The following FARS2 variants were observed in gnomAD, a reference collection of about 807,000 sequenced individuals.
The protein encoded by FARS2 is phenylalanyl-tRNA synthetase 2, mitochondrial.
Under a neutral mutation model 46.4 loss-of-function variants are expected in FARS2, and 40 were observed. That is an observed-to-expected ratio of 0.86 (90% confidence interval 0.67 to 1.12). The LOEUF is 1.12. Ranked by LOEUF, FARS2 falls within the 50% of genes most tolerant of loss-of-function variation. FARS2 has a pLI of 0.00. For missense variants in FARS2, 513 were observed against 567.9 expected (o/e 0.90, Z 0.98); for synonymous variants, 234 against 214.9 (o/e 1.09, Z -0.78).
chr6:5,316,529 G>GA (rs1461621119), intron 1 of FARS2, among the ~76,000 whole-genome samples: 1 of 152,170 alleles, frequency 6.6e-6, no homozygotes, highest in African/African-American at 2.4e-5. Context: ...GAGAAGTGGA[G>GA]AGAGGATACC....
chr6:5,651,928 A>G (rs1777388244), intron 6 of FARS2, among the ~76,000 whole-genome samples: 2 of 152,140 alleles, frequency 1.3e-5, no homozygotes, highest in African/African-American at 2.4e-5. Flanking sequence ...AACAGGAGAA[A>G]CCAAGCTGAT....
rs1449391199 is a variant in FARS2, at chr6:5,368,936, C to T, written c.366C>T (p.Thr122=). 6.2e-7 allele frequency: 1 copy of T among 1,614,196 alleles called. No homozygotes were observed. The highest frequency in any genetic ancestry group is 8.5e-7 in the Non-Finnish European group (1 of 1,180,042). ...VYDNLSPVVT[T]WQNFDSLLIP... ...ACAACCTTTCTCCAGTGGTCACGAC[C>T]TGGCAGAACTTTGACAGCCTGCTCA... Residue 122 remains threonine, a synonymous_variant, in exon 2 of 7, where the codon ACC becomes ACT. Coordinates refer to ENST00000274680, the MANE Select transcript of FARS2 (RefSeq NM_006567.5).
intron 4 of FARS2, among the ~76,000 whole-genome samples, chr6:5,535,593 G>A (rs1241931690): frequency 1.3e-5 from 2 of 152,200 alleles, no homozygotes; most frequent in Admixed American, 6.5e-5. Context: ...CCCGATCTAA[G>A]TGAAATTTAT....
At chr6:5,481,373 T>C (rs1408621561) in intron 4 of FARS2, among the ~76,000 whole-genome samples, 1 of 152,218 alleles carries the variant, frequency 6.6e-6, no homozygotes, top group Non-Finnish European at 1.5e-5. Flanking sequence ...CCCATGGTGT[T>C]GTGAAGGGAG....
chr6:5,300,002 C>G (rs1319108075), intron 1 of FARS2, among the ~76,000 whole-genome samples: 1 of 151,976 alleles, frequency 6.6e-6, no homozygotes, highest in Non-Finnish European at 1.5e-5. Flanking sequence ...TATATGAGAG[C>G]TCTGTCAGTA....
At chr6:5,692,139 G>A (rs1435306786) in intron 6 of FARS2, among the ~76,000 whole-genome samples, 1 of 152,210 alleles carries the variant, frequency 6.6e-6, no homozygotes, top group Non-Finnish European at 1.5e-5. Context: ...TGCTTCCCGG[G>A]TGAGGCGATA....
chr6:5,262,853 G>A (rs1035576870), intron 1 of FARS2, among the ~76,000 whole-genome samples: 9 of 152,316 alleles, frequency 5.9e-5, no homozygotes, highest in South Asian at 2.1e-4. Context: ...AGGTCATTGA[G>A]CAAATCTAGC....
At chr6:5,458,907 A>G (rs560414159) in intron 4 of FARS2, among the ~76,000 whole-genome samples, 1 of 152,346 alleles carries the variant, frequency 6.6e-6, no homozygotes, top group South Asian at 2.1e-4. Context: ...AAATGGTGCC[A>G]TTCTACCCTG....
At position 5,292,438 on chromosome 6, in the gene FARS2, C is replaced by T. The variant is rs79084838; in HGVS notation, c.-22+30778C>T. Among the ~76,000 whole-genome samples the T allele has an allele frequency of 5.3e-4, 80 of 152,162 alleles. 1 individual carries two copies. The South Asian group carries it at 6.0e-3, about 11-fold the overall frequency. Reference sequence around the variant, plus strand: ...GAAGTCTTGAACTGTCAGCAATAGACAAAATGGAGAGATGGACAAATGCCA... The same window carrying T: ...GAAGTCTTGAACTGTCAGCAATAGATAAAATGGAGAGATGGACAAATGCCA... On this transcript the variant is annotated intron_variant, in intron 1 of 6. Coordinates refer to ENST00000274680, the MANE Select transcript of FARS2 (RefSeq NM_006567.5).
At chr6:5,610,732 T>G (rs944408509) in intron 5 of FARS2, among the ~76,000 whole-genome samples, 2 of 152,222 alleles carry the variant, frequency 1.3e-5, no homozygotes, top group African/African-American at 2.4e-5. Context: ...AATAATATTG[T>G]ACGTAATCGA....
chr6:5,661,519 G>A (rs932665700), intron 6 of FARS2, among the ~76,000 whole-genome samples: 4 of 152,190 alleles, frequency 2.6e-5, no homozygotes, highest in Non-Finnish European at 5.9e-5. Flanking sequence ...TGCCTGGAAC[G>A]TGGGGGAGCC....
intron 6 of FARS2, among the ~76,000 whole-genome samples, chr6:5,623,656 G>C (rs1327093366): frequency 6.6e-6 from 1 of 151,622 alleles, no homozygotes; most frequent in Non-Finnish European, 1.5e-5. Flanking sequence ...AGGTCGCAGT[G>C]AGCTTAGATC....
At position 5,318,861 on chromosome 6, in the gene FARS2, C is replaced by T. The variant is rs568673710; in HGVS notation, c.-21-49689C>T. Among the ~76,000 whole-genome samples the T allele has an allele frequency of 7.9e-5, 12 of 152,258 alleles. No individual in the cohort carries two copies. The East Asian group carries it at 2.3e-3, about 29-fold the overall frequency. On this transcript the variant is annotated intron_variant, in intron 1 of 6. Transcript: ENST00000274680. Reference sequence around the variant, plus strand: ...TTCATTTCCAACAGCCAGTCAGCAACTGCCATGCAGAAAAGGGCGTGGTTG... The same window carrying T: ...TTCATTTCCAACAGCCAGTCAGCAATTGCCATGCAGAAAAGGGCGTGGTTG...
intron 1 of FARS2, among the ~76,000 whole-genome samples, chr6:5,288,664 T>C (rs1044142025): frequency 6.6e-6 from 1 of 152,182 alleles, no homozygotes; most frequent in African/African-American, 2.4e-5. Flanking sequence ...TGGCAGTATA[T>C]GGAGGTGCGG....
rs1239052116 is a variant in FARS2 at position 5,580,404 on chromosome 6, A to C, written c.1066-32765A>C. On this transcript the variant is annotated intron_variant, in intron 5 of 6. Coordinates refer to ENST00000274680, the MANE Select transcript of FARS2 (RefSeq NM_006567.5). The stretch of plus-strand genomic sequence containing the variant: ...CTAGATTGTGTTACTCTCATTTTTC[A>C]TTTGAAGAAATGGAGGCGCTCTGAG... Among the ~76,000 whole-genome samples the C allele has an allele frequency of 2.6e-5, 4 of 151,914 alleles. No individual in the cohort carries two copies. The East Asian group carries it at 7.7e-4, about 29-fold the overall frequency.
intron 3 of FARS2, among the ~76,000 whole-genome samples, chr6:5,415,329 T>G (rs1213719370): frequency 4.1e-5 from 5 of 122,888 alleles, no homozygotes; most frequent in African/African-American, 1.5e-4. Context: ...TTTTTTTTTT[T>G]TTTGAGACAG....
At chr6:5,306,732 ATTTTT>A (rs890765083) in intron 1 of FARS2, among the ~76,000 whole-genome samples, 2 of 152,086 alleles carry the variant, frequency 1.3e-5, no homozygotes, top group Non-Finnish European at 2.9e-5. Context: ...GGACAGGATG[ATTTTT>A]CTCTGCTTCT....
upstream of FARS2, among the ~76,000 whole-genome samples, chr6:5,258,863 T>C (rs1764802935): frequency 6.6e-6 from 1 of 152,236 alleles, no homozygotes; most frequent in Non-Finnish European, 1.5e-5. Flanking sequence ...GGTAGAGTCT[T>C]GAATGATTTT....
intron 4 of FARS2, among the ~76,000 whole-genome samples, chr6:5,516,665 T>C (rs1459918782): frequency 6.6e-6 from 1 of 152,244 alleles, no homozygotes; most frequent in Non-Finnish European, 1.5e-5. Context: ...TCCAAAGTTT[T>C]AAAATTTCTT....
Sources: gnomAD v4.1 joint callset for allele counts (sites outside exome capture counted in the v4.1 genomes callset) on GRCh38, gnomAD v4.1.1 for gene constraint, MANE v1.5 for transcripts, NCBI Gene and HGNC (gene_info 2026-07-23, HGNC 2026-07-21) for gene names.